GPHN: variants seen among roughly 807,000 people sequenced by gnomAD.
GPHN encodes the protein gephyrin.
A neutral mutation model predicts 95.5 loss-of-function variants in GPHN; 17 were observed. The ratio of observed to expected loss-of-function variants is 0.18; its 90% CI spans 0.12 to 0.27. The LOEUF is 0.27. Ranked by LOEUF, GPHN falls within the 10% of genes least tolerant of loss-of-function variation. The pLI, the probability that GPHN is intolerant of heterozygous loss-of-function variation, is 1.00. For missense variants in GPHN, 660 were observed against 978.1 expected (o/e 0.67, Z 4.34); for synonymous variants, 320 against 322.5 (o/e 0.99, Z 0.08).
At chr14:66,605,616 G>T (rs1277903703) in intron 1 of GPHN, among the ~76,000 whole-genome samples, 2 of 139,974 alleles carry the variant, frequency 1.4e-5, no homozygotes, top group African/African-American at 2.8e-5. Context: ...TGCAATCTCT[G>T]CCCCCCAGGT....
At chr14:67,160,536 GA>G (rs2081911847) in intron 19 of GPHN, among the ~76,000 whole-genome samples, 1 of 152,132 alleles carries the variant, frequency 6.6e-6, no homozygotes, top group Non-Finnish European at 1.5e-5. Flanking sequence ...TGGTATTAGT[GA>G]AAGATATGGC....
chr14:66,824,808 G>C (rs1596032254), intron 4 of GPHN, among the ~76,000 whole-genome samples: 1 of 152,180 alleles, frequency 6.6e-6, no homozygotes, highest in Middle Eastern at 3.4e-3. Context: ...GAGGTAATCT[G>C]TCATTTTCTT....
At chr14:67,374,034 A>G in the GPHN span, among the ~76,000 whole-genome samples, 28,718 of 151,964 alleles carry the variant, frequency 0.19, 4,318 homozygotes, top group East Asian at 0.48. Flanking sequence ...AGGTAATGGA[A>G]TATATATAAT....
At chr14:66,813,413 A>G (rs2060838431) in intron 3 of GPHN, among the ~76,000 whole-genome samples, 1 of 152,168 alleles carries the variant, frequency 6.6e-6, no homozygotes, top group Non-Finnish European at 1.5e-5. Flanking sequence ...GGCTAAAGGA[A>G]GAGAAAGCTG....
chr14:67,098,822 C>CAA (rs112801526), intron 12 of GPHN, among the ~76,000 whole-genome samples: 1 of 89,568 alleles, frequency 1.1e-5, no homozygotes. Flanking sequence ...AACTCCATCT[C>CAA]AAAAAAAAAA....
At position 67,015,949 on chromosome 14, in the gene GPHN, A is replaced by G. The variant is rs189974402; in HGVS notation, c.964-7684A>G. ...GAATTTTTTTTAACCCTGAGGATTT[A>G]ATAACTTTTTTAAGCAACAGTGTTC... On this transcript the variant is annotated intron_variant, in intron 9 of 22. Transcript: ENST00000478722. 3.4e-3 allele frequency among the ~76,000 whole-genome samples: 522 copies of G among 152,286 alleles called. 2 individuals are homozygous for G. Among genetic ancestry groups the G allele is most frequent in the African/African-American group, 0.012 (500 of 41,566 alleles).
intron 3 of GPHN, among the ~76,000 whole-genome samples, chr14:66,779,212 A>T (rs938128235): frequency 2.0e-5 from 3 of 152,190 alleles, no homozygotes; most frequent in Non-Finnish European, 2.9e-5. Flanking sequence ...TTCAAAAAAA[A>T]TTTCAAGAAA....
At chr14:66,897,749 G>A (rs1390430832) in intron 5 of GPHN, among the ~76,000 whole-genome samples, 2 of 152,002 alleles carry the variant, frequency 1.3e-5, no homozygotes, top group Non-Finnish European at 2.9e-5. Context: ...AGGACATCTG[G>A]GTTGTTTACA....
At chr14:67,336,532 T>C in the GPHN span, 2 of 327,558 alleles carry the variant, frequency 6.1e-6, no homozygotes, top group Admixed American at 4.1e-5. Flanking sequence ...TACATTGAAT[T>C]TACCTACATG....
chr14:67,212,589 G>GAAAA, the GPHN span, among the ~76,000 whole-genome samples: 7 of 100,332 alleles, frequency 7.0e-5, no homozygotes, highest in African/African-American at 2.5e-4. Context: ...AGACCCTGTT[G>GAAAA]AAAAAAAAAA....
chr14:67,217,644 T>C, the GPHN span, among the ~76,000 whole-genome samples: 2 of 152,200 alleles, frequency 1.3e-5, no homozygotes, highest in South Asian at 2.1e-4. Context: ...CATTTCTATA[T>C]ATAAGTCCCT....
chr14:67,429,317 G>A, the GPHN span, among the ~76,000 whole-genome samples: 2 of 150,562 alleles, frequency 1.3e-5, no homozygotes, highest in East Asian at 2.0e-4. Flanking sequence ...TGCAACATCC[G>A]GCTCCCGGGT....
intron 1 of GPHN, among the ~76,000 whole-genome samples, chr14:66,671,450 G>A (rs1595487000): frequency 6.6e-6 from 1 of 152,182 alleles, no homozygotes; most frequent in African/African-American, 2.4e-5. Flanking sequence ...GTCAGAAAAA[G>A]AATGTGTTAA....
intron 1 of GPHN, among the ~76,000 whole-genome samples, chr14:66,608,546 TTTC>T (rs2140914123): frequency 6.6e-6 from 1 of 152,246 alleles, no homozygotes; most frequent in East Asian, 1.9e-4. Flanking sequence ...CTTTGTTAGT[TTTC>T]TTCCTCAGTG....
intron 8 of GPHN, among the ~76,000 whole-genome samples, chr14:66,956,859 C>T (rs1176340736): frequency 6.7e-6 from 1 of 149,478 alleles, no homozygotes; most frequent in East Asian, 2.0e-4. Flanking sequence ...TAAACTATCG[C>T]AAGAACAAAA....
intron 3 of GPHN, among the ~76,000 whole-genome samples, chr14:66,820,670 C>T (rs1277085219): frequency 1.3e-5 from 2 of 152,086 alleles, no homozygotes; most frequent in East Asian, 3.9e-4. Flanking sequence ...TTTGAGAATT[C>T]ACCATTATGA....
At chr14:67,020,239 A>G (rs1450531034) in intron 9 of GPHN, among the ~76,000 whole-genome samples, 1 of 152,124 alleles carries the variant, frequency 6.6e-6, no homozygotes, top group African/African-American at 2.4e-5. Flanking sequence ...CTCCCATAAG[A>G]GTTAGCTTTT....
chr14:67,279,987 C>T, the GPHN span: 1 of 154,014 alleles, frequency 6.5e-6, no homozygotes, highest in Non-Finnish European at 1.4e-5. Flanking sequence ...TGGTATTGTT[C>T]ATATGGTATC....
At chr14:66,823,493 T>G (rs2061280265) in intron 3 of GPHN, 1 of 152,180 alleles carries the variant, frequency 6.6e-6, no homozygotes, top group South Asian at 2.1e-4. Context: ...TAACTATATC[T>G]GGGATCAAAG....
Sources: gnomAD v4.1 joint callset for allele counts (sites outside exome capture counted in the v4.1 genomes callset) on GRCh38, gnomAD v4.1.1 for gene constraint, MANE v1.5 for transcripts, NCBI Gene and HGNC (gene_info 2026-07-23, HGNC 2026-07-21) for gene names.